Variants in DDOST observed in about 807,000 individuals in gnomAD.
DDOST encodes dolichyl-diphosphooligosaccharide--protein glycosyltransferase non-catalytic subunit.
A neutral mutation model predicts 47.6 loss-of-function variants in DDOST; 25 were observed. That is an observed-to-expected ratio of 0.53 (90% confidence interval 0.38 to 0.73). The LOEUF (loss-of-function observed/expected upper bound fraction) is 0.73. Among genes scored for constraint, DDOST ranks in the 30% least tolerant of loss-of-function variants. DDOST has a pLI of 0.00. For synonymous variants in DDOST, 275 were observed against 236.0 expected, an observed-to-expected ratio of 1.17 and a Z score of -1.51; for missense variants, 526 against 573.9, an observed-to-expected ratio of 0.92 and a Z score of 0.85.
chr1:20,658,865 T>C (rs1021701933), intron 2 of DDOST, among the ~76,000 whole-genome samples: 198 of 150,942 alleles, frequency 1.3e-3, no homozygotes, highest in Non-Finnish European at 2.4e-3. Context: ...TCTTTTTTTT[T>C]TTTTTTTTGA....
At position 20,653,752 on chromosome 1, in the gene DDOST, C is replaced by T; in HGVS notation, c.817G>A (p.Glu273Lys). 6.2e-7 allele frequency: 1 copy of T among 1,613,726 alleles called. No individual in the cohort carries two copies. The highest frequency in any genetic ancestry group is 1.1e-5 in the South Asian group (1 of 91,060). Residue 273 changes from glutamate to lysine, a missense_variant, in exon 8 of 11, where the codon GAA becomes AAA. Physicochemically the swap from Glu to Lys is moderately conservative, Grantham distance 56 (BLOSUM62 1). Coordinates refer to ENST00000602624, the MANE Select transcript of DDOST (RefSeq NM_005216.5). ...CAGCGGGAGAGGGCCACAGCTAGTT[C>T]ATAGTTGCCTGTCTGGGAATACCTG... ...SQRYSQTGNY[E>K]LAVALSRWVF...
chr1:20,655,563 G>C (rs1440909711), intron 4 of DDOST, 29 bp from the exon 5 acceptor site: 2 of 1,608,220 alleles, frequency 1.2e-6, no homozygotes, highest in African/African-American at 2.7e-5. Context: ...AAGGTGGGTG[G>C]TCAGGAAAAG....
Position 20,652,210 on chromosome 1 carries a change from T to C in DDOST, c.*169A>G, listed in dbSNP as rs765762722. On this transcript the variant is annotated 3_prime_UTR_variant, in exon 11 of 11. Transcript: ENST00000602624. ...ATTCAAAGTGGAAAAACTTCTTTTA[T>C]ATAAAAATTATCCCAACTCCCACCC... 1 of 612,072 alleles carries C rather than the reference T, an allele frequency of 1.6e-6. No individual in the cohort carries two copies. The highest frequency in any genetic ancestry group is 2.6e-6 in the Non-Finnish European group (1 of 385,060). 37.9% of individuals were successfully genotyped at this position (612,072 alleles called of 1,614,324 possible).
rs899463821 is a variant in DDOST at position 20,652,290 on chromosome 1, G to A, written c.*89C>T. 9 of 1,336,528 alleles carry A rather than the reference G, an allele frequency of 6.7e-6. No homozygotes were observed. Among genetic ancestry groups the A allele is most frequent in the Admixed American group, 6.0e-5 (2 of 33,596 alleles). 82.8% of individuals were successfully genotyped at this position (1,336,528 alleles called of 1,614,324 possible). A position where few individuals can be genotyped will look rare whatever the true frequency, so the allele number is the denominator to read the frequency against. On this transcript the variant is annotated 3_prime_UTR_variant, in exon 11 of 11. Transcript: ENST00000602624. ...AGGTAAAGTTGTGCCATTTTCCCAC[G>A]GCTTTAAACAAAGCAAAACAAAACC...
In DDOST at chr1:20,652,928, AC is replaced by A; in HGVS notation, c.985del (p.Val329SerfsTer19). 2 of 1,614,064 alleles carry A rather than the reference AC, an allele frequency of 1.2e-6. No individual in the cohort carries two copies. The highest frequency in any genetic ancestry group is 1.7e-6 in the Non-Finnish European group (2 of 1,180,000). ...CTGAATGTCATCGCCATCAAAGGGG[AC>A]CCATTTGCCATTTGAGAGCTGCTGG... Reference protein sequence around the residue: ...VIQQLSNGKWVPFDGDDIQLE... With the variant: ...VIQQLSNGKWXPFDGDDIQLE... On this transcript the variant is annotated frameshift_variant, in exon 9 of 11. Transcript: ENST00000602624. LOFTEE classifies it high-confidence loss of function.
At chr1:20,653,028 C>T (rs2053314595) in intron 8 of DDOST, 57 bp from the exon 9 acceptor site, 1 of 1,608,086 alleles carries the variant, frequency 6.2e-7, no homozygotes, top group Admixed American at 1.7e-5. Flanking sequence ...CTTCCACCAC[C>T]TGCAGGCAGA....
chr1:20,655,262 A>G (rs114135474), intron 5 of DDOST, among the ~76,000 whole-genome samples, 178 bp downstream of exon 5: 2 of 148,014 alleles, frequency 1.4e-5, no homozygotes, highest in East Asian at 4.1e-4. Context: ...CCTCCTGCCT[A>G]GGCCTTCCCA....
rs181601352 is a variant in DDOST, at chr1:20,656,662, T to C, written c.266-475A>G. ...CTCCAGTGATGCCATCACTTGACAA[T>C]AGTACTCCCTGGTCTGGCATTAATC... is the stretch of plus-strand genomic sequence containing the variant. On this transcript the variant is annotated intron_variant, in intron 2 of 10. Transcript: ENST00000602624. 1.4e-4 allele frequency among the ~76,000 whole-genome samples: 22 copies of C among 152,298 alleles called. No homozygotes were observed. In the East Asian group the frequency reaches 2.9e-3, roughly 20 times the overall value.
At position 20,652,775 on chromosome 1, in the gene DDOST, T is replaced by C. The variant is rs777026063; in HGVS notation, c.1064-48A>G. ...AACCGGGAGGGGTTTCCCAGAGCTTTTCCTGGTTGGGCCTCGAGAGCAAGT... is the reference window on the plus strand; with the variant it reads ...AACCGGGAGGGGTTTCCCAGAGCTTCTCCTGGTTGGGCCTCGAGAGCAAGT... On this transcript the variant is annotated intron_variant, in intron 9 of 10. Transcript: ENST00000602624. 4.3e-6 allele frequency: 7 copies of C among 1,612,886 alleles called. No homozygotes were observed. In the Admixed American group the frequency reaches 6.7e-5, roughly 15 times the overall value.
intron 10 of DDOST, 31 bp from the exon 11 acceptor site, chr1:20,652,559 C>G (rs746186938): frequency 3.1e-6 from 5 of 1,613,918 alleles, no homozygotes; most frequent in Non-Finnish European, 4.2e-6. Context: ...CAGGACCTGG[C>G]CACTGCAGAG....
rs200589624 is a variant in DDOST, at chr1:20,661,269, G to A, written c.82C>T (p.Pro28Ser). ...PLLGAVCASG[P>S]RTLVLLDNLN... ...TTGTCCAGCAGCACTAAGGTGCGGG[G>A]TCCGCTGGCGCAAACCGCGCCAAGC... Residue 28 changes from proline to serine, a missense_variant, in exon 1 of 11, where the codon CCC (proline) becomes TCC (serine). Pro to Ser is a moderately conservative substitution (Grantham distance 74). Coordinates refer to ENST00000602624, the MANE Select transcript of DDOST (RefSeq NM_005216.5). 164 of 1,614,006 alleles carry A rather than the reference G, an allele frequency of 1.0e-4. No individual in the cohort carries two copies. Among genetic ancestry groups the A allele is most frequent in the Non-Finnish European group, 1.3e-4 (158 of 1,180,012 alleles).
chr1:20,656,909 C>T (rs2053380725), intron 2 of DDOST, among the ~76,000 whole-genome samples: 2 of 152,216 alleles, frequency 1.3e-5, no homozygotes, highest in Admixed American at 6.5e-5. Flanking sequence ...TCCAGAGTCT[C>T]CCCAAAGTGT....
rs1051670 is a variant in DDOST, at chr1:20,652,451, G to T, written c.1248C>A (p.Phe416Leu). Residue 416 changes from phenylalanine (F) to leucine (L), a missense_variant, in exon 11 of 11, where the codon TTC (phenylalanine) becomes TTA (leucine). Coordinates refer to ENST00000602624, the MANE Select transcript of DDOST (RefSeq NM_005216.5). The stretch of plus-strand genomic sequence containing the variant: ...AGATGAAGAGCCCCAGCATCATGGA[G>T]AAGGCGCTGGCGTAGTAGGGGTAGG... Reference protein sequence around the residue: ...PSAYPYYASAFSMMLGLFIFS... With the variant: ...PSAYPYYASALSMMLGLFIFS... 4 of 1,613,876 alleles carry T rather than the reference G, an allele frequency of 2.5e-6. No individual in the cohort carries two copies. The highest frequency in any genetic ancestry group is 3.4e-6 in the Non-Finnish European group (4 of 1,180,000).
chr1:20,653,255 C>T (rs1013543878), intron 8 of DDOST, among the ~76,000 whole-genome samples: 1 of 152,228 alleles, frequency 6.6e-6, no homozygotes, highest in Non-Finnish European at 1.5e-5. Flanking sequence ...CACCCTCCTG[C>T]CCCGACATGT....
chr1:20,654,275 TGAA>T lies in DDOST; in HGVS notation c.739_741del (p.Phe247del). Reference sequence around the variant, plus strand: ...ACTGCTGAGTTGAAGAAGGAGTCGCTGAAGAAGTCGAGGGAGCCGCTGAAGATG... The same window carrying T: ...ACTGCTGAGTTGAAGAAGGAGTCGCTGAAGTCGAGGGAGCCGCTGAAGATG... On this transcript the variant is annotated inframe_deletion, in exon 7 of 11. Transcript: ENST00000602624. 1.3e-6 allele frequency: 2 copies of T among 1,551,936 alleles called. No homozygotes were observed. The highest frequency in any genetic ancestry group is 1.7e-6 in the Non-Finnish European group (2 of 1,147,150).
chr1:20,656,311 G>A, intron 2 of DDOST, 124 bp from the exon 3 acceptor site: 2 of 700,278 alleles, frequency 2.9e-6, no homozygotes, highest in East Asian at 2.7e-5. Flanking sequence ...CCCTCTGGGG[G>A]CCACAATGAG....
Position 20,652,077 on chromosome 1 carries a change from G to A in DDOST, c.*302C>T, listed in dbSNP as rs561985810. 579 of 205,858 alleles carry A rather than the reference G, an allele frequency of 2.8e-3. 4 individuals carry two copies. The highest frequency in any genetic ancestry group is 4.8e-3 in the Non-Finnish European group (486 of 101,584). The allele number at this position is 205,858 out of a possible 1,614,324, so 12.8% of individuals were successfully genotyped here. On this transcript the variant is annotated 3_prime_UTR_variant, in exon 11 of 11. Coordinates refer to ENST00000602624, the MANE Select transcript of DDOST (RefSeq NM_005216.5). ...CCTGACCTCGTGAGCCGCCTGCCTC[G>A]GCCTCCCAAAGTGCTGGGATTACAG...
At chr1:20,659,943 G>A (rs532693064) in intron 2 of DDOST, among the ~76,000 whole-genome samples, 2 of 152,156 alleles carry the variant, frequency 1.3e-5, no homozygotes, top group African/African-American at 4.8e-5. Context: ...CACCAATGAA[G>A]AACTTCCTAA....
intron 2 of DDOST, among the ~76,000 whole-genome samples, chr1:20,656,751 C>T (rs1439272671): frequency 1.3e-5 from 2 of 152,212 alleles, no homozygotes; most frequent in South Asian, 4.1e-4. Flanking sequence ...ACCCAGTACA[C>T]TGCTTTTTAA....
Sources: allele counts gnomAD v4.1 joint callset (sites outside exome capture counted in the v4.1 genomes callset), GRCh38; gene constraint gnomAD v4.1.1; transcripts MANE v1.5; gene names NCBI Gene and HGNC (gene_info 2026-07-23, HGNC 2026-07-21).